RUVBL1: variants seen among roughly 807,000 people sequenced by gnomAD.
RUVBL1 encodes the protein ruvB-like 1.
Under a neutral mutation model 52.4 loss-of-function variants are expected in RUVBL1, and 4 were observed. That is an observed-to-expected ratio of 0.08 (90% CI 0.04 to 0.17). The LOEUF is 0.17. RUVBL1 is among the 10% of genes least tolerant of loss of function. The pLI is 1.00. For synonymous variants in RUVBL1, 217 were observed against 214.4 expected (o/e 1.01, Z -0.10); for missense variants, 298 against 572.8 (o/e 0.52, Z 4.90).
intron 6 of RUVBL1, among the ~76,000 whole-genome samples, chr3:128,100,181 A>C (rs573325414): frequency 6.6e-6 from 1 of 152,340 alleles, no homozygotes; most frequent in South Asian, 2.1e-4. Flanking sequence ...TACCAGCTCA[A>C]AGCTAAAACA....
chr3:128,097,769 T>C (rs1038757931), intron 7 of RUVBL1, among the ~76,000 whole-genome samples: 1 of 152,206 alleles, frequency 6.6e-6, no homozygotes, highest in Non-Finnish European at 1.5e-5. Flanking sequence ...GTGTTCTGCA[T>C]GGGAATCCCT....
downstream of RUVBL1, among the ~76,000 whole-genome samples, chr3:128,078,469 G>A (rs947481611): frequency 2.6e-5 from 4 of 152,182 alleles, no homozygotes; most frequent in African/African-American, 4.8e-5. Context: ...CATTAGCACA[G>A]GAGACAGGGC....
intron 6 of RUVBL1, 53 bp downstream of exon 6, chr3:128,100,542 A>C: frequency 6.5e-7 from 1 of 1,536,680 alleles, no homozygotes. Context: ...CCAGATCTCC[A>C]CACACATACA....
At chr3:128,098,794 C>T (rs1943047674) in intron 7 of RUVBL1, 88 bp downstream of exon 7, 6 of 1,085,996 alleles carry the variant, frequency 5.5e-6, no homozygotes, top group South Asian at 2.5e-5. Context: ...TTCCTCAGGG[C>T]GACTGTGCTC....
At chr3:128,065,419 C>T (rs2075402) in intron 9 of RUVBL1, among the ~76,000 whole-genome samples, 73,577 of 152,050 alleles carry the variant, frequency 0.48, 19,234 homozygotes, top group Non-Finnish European at 0.6. Flanking sequence ...ATCTCGGAAA[C>T]GGCCTATCTT....
rs1942477944 is a variant in RUVBL1 at position 128,081,599 on chromosome 3, G to A, written c.1212-190C>T. 1 of 614,418 alleles carries A rather than the reference G, an allele frequency of 1.6e-6. No homozygotes were observed. Among genetic ancestry groups the A allele is most frequent in the African/African-American group, 1.8e-5 (1 of 54,200 alleles). 38.1% of individuals were successfully genotyped at this position (614,418 alleles called of 1,614,324 possible). A position where few individuals can be genotyped will look rare whatever the true frequency, so the allele number is the denominator to read the frequency against. On this transcript the variant is annotated intron_variant, in intron 10 of 10. Transcript: ENST00000322623. This position sits in a 1 kb window ranked among gnomAD's most constrained non-coding sequence, Gnocchi z 4.8. ...GAGAGCTGCAGTCATTATCCCATCA[G>A]AGAGGGTCCAGGAGCCACCAAGAAG...
intron 4 of RUVBL1, among the ~76,000 whole-genome samples, chr3:128,102,250 G>A (rs1262214791): frequency 2.0e-5 from 3 of 152,368 alleles, no homozygotes; most frequent in Admixed American, 6.5e-5. Flanking sequence ...AATCACAGAT[G>A]TATACAGTAA....
At chr3:128,122,839 G>A (rs1943682223) in intron 1 of RUVBL1, among the ~76,000 whole-genome samples, 1 of 152,150 alleles carries the variant, frequency 6.6e-6, no homozygotes, top group African/African-American at 2.4e-5. Context: ...TTACTAAAAC[G>A]AGTGTCAAGC....
At chr3:128,149,448 G>A (rs1692168143) in intron 1 of RUVBL1, among the ~76,000 whole-genome samples, 1 of 152,222 alleles carries the variant, frequency 6.6e-6, no homozygotes, top group East Asian at 1.9e-4. Context: ...GCCTCTCAAA[G>A]TGCTGGGGTT....
chr3:128,082,515 G>C lies in RUVBL1; in HGVS notation c.1179C>G (p.His393Gln). The change falls in exon 10 of 11, where the codon CAC (histidine) becomes CAG (glutamine). Residue 393 changes from histidine to glutamine, a missense_variant. His to Gln is a conservative substitution (Grantham distance 24, BLOSUM62 0). Around this residue, in one of 5 missense-constraint regions of RUVBL1, gnomAD observed 161 missense variants for 298.3 expected, o/e 0.54. Transcript: ENST00000322623. The surrounding 1 kb of genome is among the most constrained non-coding windows in gnomAD (Gnocchi z 4.7). ...GINISEEALNHLGEIGTKTTL... is the reference protein window; with the variant it reads ...GINISEEALNQLGEIGTKTTL... ...TGGTCTTGGTGCCAATCTCCCCCAG[G>C]TGGTTCAGTGCCTCCTCACTGATGT... The C allele has an allele frequency of 6.2e-7, 1 of 1,613,956 alleles. No individual in the cohort carries two copies. Among genetic ancestry groups the C allele is most frequent in the Non-Finnish European group, 8.5e-7 (1 of 1,179,934 alleles).
At chr3:128,076,710 C>T (rs1364497579), downstream of RUVBL1, among the ~76,000 whole-genome samples, 2 of 152,090 alleles carry the variant, frequency 1.3e-5, no homozygotes, top group East Asian at 1.9e-4. This position sits in a 1 kb window ranked among gnomAD's most constrained non-coding sequence, Gnocchi z 6.8. Context: ...ACTACATACA[C>T]ACGCGCGCGC....
chr3:128,132,654 G>A (rs1455098482), intron 1 of RUVBL1, among the ~76,000 whole-genome samples: 1 of 152,176 alleles, frequency 6.6e-6, no homozygotes, highest in African/African-American at 2.4e-5. Context: ...AAAAGAGAAT[G>A]CAGCGTCTTG....
At chr3:128,104,697 A>G in intron 4 of RUVBL1, 76 bp downstream of exon 4, 1 of 1,315,642 alleles carries the variant, frequency 7.6e-7, no homozygotes, top group Non-Finnish European at 1.1e-6. Flanking sequence ...TGGGATGCAG[A>G]GAGGTTACAC....
intron 1 of RUVBL1, among the ~76,000 whole-genome samples, chr3:128,122,500 G>C (rs1284862234): frequency 6.6e-6 from 1 of 152,204 alleles, no homozygotes; most frequent in Non-Finnish European, 1.5e-5. Flanking sequence ...ACAGTGCTTG[G>C]CACATGGAAA....
chr3:128,133,659 T>C (rs1002956811), intron 1 of RUVBL1, among the ~76,000 whole-genome samples: 2 of 152,280 alleles, frequency 1.3e-5, no homozygotes, highest in Non-Finnish European at 2.9e-5. Flanking sequence ...TCTATGCAGC[T>C]GAAAGTCACA....
intron 8 of RUVBL1, among the ~76,000 whole-genome samples, chr3:128,091,130 T>C (rs528839529): frequency 6.6e-6 from 1 of 152,220 alleles, no homozygotes; most frequent in African/African-American, 2.4e-5. Context: ...AGACCAAACA[T>C]TTCTGAGATT....
rs533844478 is a variant in RUVBL1 at position 128,102,969 on chromosome 3, C to T, written c.514-1321G>A. On this transcript the variant is annotated intron_variant, in intron 4 of 10. Coordinates refer to ENST00000322623, the MANE Select transcript of RUVBL1 (RefSeq NM_003707.3). The stretch of plus-strand genomic sequence containing the variant: ...CGCCTAAGGACAAAAGTGGGTGAGG[C>T]CCCCAGGTAAGGCCTGGCAGGAAGG... Among the ~76,000 whole-genome samples the T allele has an allele frequency of 2.0e-4, 30 of 152,260 alleles. No homozygotes were observed. The East Asian group carries it at 4.2e-3, about 22-fold the overall frequency.
At chr3:128,100,487 GACCGTCT>G in intron 6 of RUVBL1, 101 bp downstream of exon 6, 1 of 1,332,060 alleles carries the variant, frequency 7.5e-7, no homozygotes, top group East Asian at 2.4e-5. Flanking sequence ...GATAGAAAAG[GACCGTCT>G]ACCTCAAGAA....
intron 8 of RUVBL1, among the ~76,000 whole-genome samples, chr3:128,092,444 CAT>C (rs1299988176): frequency 1.3e-5 from 2 of 150,910 alleles, no homozygotes; most frequent in Non-Finnish European, 2.9e-5. Flanking sequence ...ATTTATAAAT[CAT>C]ATATAAATGA....
Sources: allele counts gnomAD v4.1 joint callset (sites outside exome capture counted in the v4.1 genomes callset), GRCh38; gene constraint gnomAD v4.1.1; regional missense constraint gnomAD v4.1.1; non-coding constraint Gnocchi (gnomAD v3.1); transcripts MANE v1.5; gene names NCBI Gene and HGNC (gene_info 2026-07-23, HGNC 2026-07-21).